The following STAB2 variants were observed in gnomAD, a reference collection of about 807,000 sequenced individuals.
The protein encoded by STAB2 is stabilin-2.
Under a neutral mutation model 338.1 loss-of-function variants are expected in STAB2, and 288 were observed. The ratio of observed to expected loss-of-function variants is 0.85; its 90% CI spans 0.77 to 0.94. The LOEUF is 0.94. Ranked by LOEUF, STAB2 falls within the 40% of genes least tolerant of loss-of-function variation. The pLI is 0.00. For missense variants in STAB2, 3,141 were observed against 3,210.1 expected (o/e 0.98, Z 0.52); for synonymous variants, 1,202 against 1,193.3 (o/e 1.01, Z -0.15).
Position 103,624,960 on chromosome 12 carries a change from A to T in STAB2, c.487+2849A>T, listed in dbSNP as rs1024597713. Among the ~76,000 whole-genome samples the T allele has an allele frequency of 1.8e-4, 23 of 130,718 alleles. No homozygotes were observed. In the Admixed American group the frequency reaches 1.8e-3, roughly 10 times the overall value. 85.8% of individuals were successfully genotyped at this position (130,718 alleles called of 152,430 possible). Reference sequence around the variant, plus strand: ...CATCTCAAAAAAAAAAAAAAAAAAAAAGGATATTGGTGTCCCGTGTGTTTT... The same window carrying T: ...CATCTCAAAAAAAAAAAAAAAAAAATAGGATATTGGTGTCCCGTGTGTTTT... On this transcript the variant is annotated intron_variant, in intron 5 of 68. Coordinates refer to ENST00000388887, the MANE Select transcript of STAB2 (RefSeq NM_017564.10).
Position 103,662,902 on chromosome 12 carries a change from T to C in STAB2, c.1926T>C (p.Asn642=). The C allele has an allele frequency of 6.2e-7, 1 of 1,614,160 alleles. No individual in the cohort carries two copies. The highest frequency in any genetic ancestry group is 8.5e-7 in the Non-Finnish European group (1 of 1,180,030). The change falls in exon 18 of 69, where the codon AAT becomes AAC. Residue 642 remains asparagine (N), a synonymous_variant. Coordinates refer to ENST00000388887, the MANE Select transcript of STAB2 (RefSeq NM_017564.10). The part of the protein sequence containing the change: ...AMEEIEITAK[N]GRIYTLTGVL... Reference sequence around the variant, plus strand: ...AAGAAATTGAGATCACTGCCAAAAATGGCCGAATTTACACACTGACAGGAG... The same window carrying C: ...AAGAAATTGAGATCACTGCCAAAAACGGCCGAATTTACACACTGACAGGAG...
chr12:103,665,294 T>C (rs1874979629), intron 18 of STAB2, among the ~76,000 whole-genome samples: 1 of 152,218 alleles, frequency 6.6e-6, no homozygotes, highest in Admixed American at 6.5e-5. Flanking sequence ...TAGCTGCCTT[T>C]GGCCATGTAT....
intron 60 of STAB2, among the ~76,000 whole-genome samples, 199 bp downstream of exon 60, chr12:103,750,919 C>T (rs1475616550): frequency 6.6e-6 from 1 of 152,216 alleles, no homozygotes; most frequent in African/African-American, 2.4e-5. Flanking sequence ...GGCAAAACCC[C>T]ATCTCTACTA....
At chr12:103,680,536 TAC>T (rs1876803523) in intron 25 of STAB2, among the ~76,000 whole-genome samples, 1 of 152,154 alleles carries the variant, frequency 6.6e-6, no homozygotes, top group Non-Finnish European at 1.5e-5. Context: ...CAGAATGGAG[TAC>T]ATTATCTGGT....
intron 7 of STAB2, 134 bp downstream of exon 7, chr12:103,637,370 T>C: frequency 1.6e-6 from 2 of 1,215,626 alleles, no homozygotes; most frequent in Non-Finnish European, 2.2e-6. Flanking sequence ...GAAACGTATA[T>C]AAAAGGTGCC....
intron 57 of STAB2, among the ~76,000 whole-genome samples, 168 bp downstream of exon 57, chr12:103,745,445 A>G (rs1318162300): frequency 2.6e-5 from 4 of 152,228 alleles, no homozygotes; most frequent in Non-Finnish European, 5.9e-5. Flanking sequence ...AGGAGGATGG[A>G]GACTTGCAGT....
Position 103,755,289 on chromosome 12 carries a change from T to G in STAB2, c.6715-13T>G. The G allele has an allele frequency of 6.2e-7, 1 of 1,613,186 alleles. No homozygotes were observed. The highest frequency in any genetic ancestry group is 8.5e-7 in the Non-Finnish European group (1 of 1,179,782). On this transcript the variant is annotated splice_polypyrimidine_tract_variant and intron_variant, in intron 61 of 68. Coordinates refer to ENST00000388887, the MANE Select transcript of STAB2 (RefSeq NM_017564.10). ...CTTGCAGCTGACCCATGGCCCTGTC[T>G]GTATCCCTGCAGGCCAAGTACCACC...
intron 3 of STAB2, among the ~76,000 whole-genome samples, chr12:103,609,422 G>T (rs1197063135): frequency 2.6e-5 from 4 of 151,952 alleles, no homozygotes; most frequent in Non-Finnish European, 5.9e-5. Context: ...AAGTTGGATT[G>T]CTAGGTATTT....
chr12:103,737,358 T>C (rs892249981), intron 52 of STAB2, among the ~76,000 whole-genome samples: 2 of 152,224 alleles, frequency 1.3e-5, no homozygotes, highest in African/African-American at 4.8e-5. Flanking sequence ...GTACTAATAA[T>C]AATAGCTACA....
chr12:103,677,739 CA>C (rs1218749620), intron 25 of STAB2, 128 bp downstream of exon 25: 3 of 1,197,900 alleles, frequency 2.5e-6, no homozygotes, highest in Non-Finnish European at 3.4e-6. Context: ...TGGCAGTGAA[CA>C]TGGGTTCATT....
intron 27 of STAB2, 51 bp from the exon 28 acceptor site, chr12:103,688,117 C>T: frequency 4.5e-6 from 7 of 1,556,210 alleles, no homozygotes; most frequent in Non-Finnish European, 6.2e-6. Flanking sequence ...ATTGTTCTTT[C>T]TCTGTGTTCT....
rs149407421 is a variant in STAB2, at chr12:103,654,586, G to A, written c.1439G>A (p.Gly480Asp). 6.2e-6 allele frequency: 10 copies of A among 1,613,894 alleles called. No homozygotes were observed. Among genetic ancestry groups the A allele is most frequent in the Non-Finnish European group, 5.1e-6 (6 of 1,179,974 alleles). Residue 480 changes from glycine (G) to aspartate (D), a missense_variant, in exon 13 of 69, where the codon GGC becomes GAC. Transcript: ENST00000388887. ...DNQIKLKLHG[G>D]KKKVKIIQGD... is the part of the protein sequence containing the mutation. ...CAAATAAAGCTTAAACTCCATGGAG[G>A]CAAAAAGAAGGTAAAAATTATACAA...
At chr12:103,589,974 A>G (rs750636496) in intron 1 of STAB2, among the ~76,000 whole-genome samples, 1 of 152,222 alleles carries the variant, frequency 6.6e-6, no homozygotes, top group Non-Finnish European at 1.5e-5. Context: ...TTAGCAAGAT[A>G]TAGAGTTTGA....
intron 31 of STAB2, among the ~76,000 whole-genome samples, chr12:103,694,627 T>C (rs1406719760): frequency 6.6e-6 from 1 of 152,160 alleles, no homozygotes; most frequent in Non-Finnish European, 1.5e-5. Context: ...GGCTTTCTAC[T>C]GTAGTATGCT....
intron 1 of STAB2, among the ~76,000 whole-genome samples, chr12:103,589,490 G>A (rs965069267): frequency 2.0e-5 from 3 of 152,190 alleles, no homozygotes; most frequent in African/African-American, 7.2e-5. Flanking sequence ...GGGTTCAAGA[G>A]ATCCTACCCC....
At chr12:103,715,687 GA>G (rs1175602209) in intron 42 of STAB2, 127 bp from the exon 43 acceptor site, 2 of 1,028,494 alleles carry the variant, frequency 1.9e-6, no homozygotes, top group East Asian at 5.0e-5. Flanking sequence ...AGAACTTCCA[GA>G]AAACTGAATC....
intron 58 of STAB2, among the ~76,000 whole-genome samples, chr12:103,746,945 C>CTTTCTTTT (rs1566071227): frequency 8.8e-6 from 1 of 113,880 alleles, no homozygotes; most frequent in African/African-American, 3.0e-5. Context: ...GAATGTTTTT[C>CTTTCTTTT]TTTCTTTTTT....
intron 11 of STAB2, among the ~76,000 whole-genome samples, chr12:103,651,889 G>A (rs182806549): frequency 5.3e-5 from 8 of 152,234 alleles, no homozygotes; most frequent in Middle Eastern, 3.4e-3. Context: ...ATACCACCAC[G>A]ATTAACCTGT....
chr12:103,672,156 A>G lies in STAB2; in HGVS notation c.2371+1349A>G, dbSNP rs139079472. 3.2e-4 allele frequency among the ~76,000 whole-genome samples: 49 copies of G among 152,316 alleles called. No individual in the cohort carries two copies. In the East Asian group the frequency reaches 6.8e-3, roughly 21 times the overall value. The stretch of plus-strand genomic sequence containing the variant: ...TCGCTACTAACTCCACACATTTCCT[A>G]TGAAACACACAACCCTTCCGCTCTC... On this transcript the variant is annotated intron_variant, in intron 22 of 68. Coordinates refer to ENST00000388887, the MANE Select transcript of STAB2 (RefSeq NM_017564.10).
Sources: allele counts gnomAD v4.1 joint callset (sites outside exome capture counted in the v4.1 genomes callset), GRCh38; gene constraint gnomAD v4.1.1; transcripts MANE v1.5; gene names NCBI Gene and HGNC (gene_info 2026-07-23, HGNC 2026-07-21).